Variants in MPZL1 observed in about 807,000 individuals in gnomAD.
MPZL1 encodes myelin protein zero-like protein 1.
In MPZL1, 16 loss-of-function variants were observed where a neutral mutation model predicts 29.3. The observed-to-expected ratio is 0.55, with a 90% CI of 0.37 to 0.83. MPZL1 has a LOEUF of 0.83. Ranked by LOEUF, MPZL1 falls within the 40% of genes least tolerant of loss-of-function variation. The pLI is 0.00. For synonymous variants in MPZL1, 143 were observed against 132.0 expected (o/e 1.08, Z -0.57); for missense variants, 279 against 332.9 (o/e 0.84, Z 1.26).
intron 2 of MPZL1, among the ~76,000 whole-genome samples, chr1:167,771,138 C>T (rs373873846): frequency 4.6e-5 from 7 of 151,928 alleles, no homozygotes; most frequent in African/African-American, 9.7e-5. Context: ...GAGGTCCCTG[C>T]GGCCTTCCGC....
intron 4 of MPZL1, 144 bp from the exon 5 acceptor site, chr1:167,775,920 A>G (rs4657711): frequency 0.72 from 335,106 of 463,954 alleles, 122,406 homozygotes; most frequent in African/African-American, 0.86. Flanking sequence ...ACATGTGATC[A>G]TTTTGACACC....
intron 1 of MPZL1, among the ~76,000 whole-genome samples, chr1:167,761,024 A>G (rs1213428033): frequency 1.3e-5 from 2 of 152,186 alleles, no homozygotes; most frequent in Admixed American, 6.5e-5. Context: ...AAGGTTTTAG[A>G]TAGGGCAATA....
At position 167,765,759 on chromosome 1, in the gene MPZL1, C is replaced by T; in HGVS notation, c.258+10C>T. On this transcript the variant is annotated intron_variant, in intron 2 of 5. Transcript: ENST00000359523. ...CGACACTACTGTGTCGGTAAGAATG[C>T]TTGACTTCTCTTGGCTAGTCCTGCC... 1 of 1,585,040 alleles carries T rather than the reference C, an allele frequency of 6.3e-7. No individual in the cohort carries two copies. The highest frequency in any genetic ancestry group is 1.4e-5 in the African/African-American group (1 of 73,636).
intron 2 of MPZL1, among the ~76,000 whole-genome samples, chr1:167,768,581 T>C (rs551740031): frequency 5.3e-5 from 8 of 152,352 alleles, no homozygotes; most frequent in East Asian, 1.9e-4. Context: ...AAAATATTGA[T>C]TGATAATGAT....
At chr1:167,738,216 G>T (rs570856650) in intron 1 of MPZL1, among the ~76,000 whole-genome samples, 1 of 152,116 alleles carries the variant, frequency 6.6e-6, no homozygotes, top group African/African-American at 2.4e-5. Flanking sequence ...GAGCCACCGC[G>T]CCTGGCCAAG....
chr1:167,750,983 A>G (rs1660743086), intron 1 of MPZL1, among the ~76,000 whole-genome samples: 1 of 152,206 alleles, frequency 6.6e-6, no homozygotes, highest in African/African-American at 2.4e-5. Flanking sequence ...TAGGCTATCC[A>G]TATTTGGCAG....
intron 2 of MPZL1, among the ~76,000 whole-genome samples, chr1:167,772,021 C>T (rs6684150): frequency 6.6e-6 from 1 of 151,558 alleles, no homozygotes; most frequent in Non-Finnish European, 1.5e-5. Context: ...CAGTCGGCAG[C>T]CCGAGGCAGG....
At chr1:167,769,221 A>G (rs1661189367) in intron 2 of MPZL1, among the ~76,000 whole-genome samples, 1 of 152,120 alleles carries the variant, frequency 6.6e-6, no homozygotes. Context: ...ACGTTTTTGC[A>G]CACCTTGCTA....
chr1:167,776,225 A>G, intron 5 of MPZL1, 59 bp downstream of exon 5: 1 of 1,271,178 alleles, frequency 7.9e-7, no homozygotes, highest in Non-Finnish European at 1.1e-6. Context: ...GTGCTCTGTC[A>G]CTTCCTTGGG....
At chr1:167,758,093 G>A (rs572283694) in intron 1 of MPZL1, among the ~76,000 whole-genome samples, 151 of 151,888 alleles carry the variant, frequency 9.9e-4, no homozygotes, top group African/African-American at 3.6e-3. Context: ...GGTGGAGGTT[G>A]CAGTGAGTTG....
chr1:167,755,838 A>G (rs531753908), intron 1 of MPZL1, among the ~76,000 whole-genome samples: 1 of 152,286 alleles, frequency 6.6e-6, no homozygotes, highest in South Asian at 2.1e-4. Flanking sequence ...GTACATTTAG[A>G]GGCTGAGTCT....
intron 1 of MPZL1, among the ~76,000 whole-genome samples, chr1:167,733,779 C>T (rs1660317258): frequency 6.6e-6 from 1 of 151,540 alleles, no homozygotes; most frequent in South Asian, 2.1e-4. Context: ...GTGGCGTGAG[C>T]CTGTAGTCCT....
intron 5 of MPZL1, among the ~76,000 whole-genome samples, chr1:167,778,050 C>T (rs1270382184): frequency 2.0e-5 from 3 of 152,178 alleles, no homozygotes; most frequent in South Asian, 4.1e-4. Flanking sequence ...TGGCCTGGTG[C>T]GGTGGCTCAC....
intron 1 of MPZL1, among the ~76,000 whole-genome samples, chr1:167,724,582 A>G (rs1660103908): frequency 6.6e-6 from 1 of 152,230 alleles, no homozygotes; most frequent in Admixed American, 6.5e-5. Context: ...GGAGGTGGAT[A>G]AAATGATCAT....
chr1:167,773,381 G>GT lies in MPZL1; in HGVS notation c.605+20dup, dbSNP rs769778837. Reference sequence around the variant, plus strand: ...GGGATTACACTGGGTAAGAAACACTGTTTTTTTAGGGCAGGGGTGGAGGGA... The same window carrying GT: ...GGGATTACACTGGGTAAGAAACACTGTTTTTTTTAGGGCAGGGGTGGAGGGA... On this transcript the variant is annotated intron_variant, in intron 4 of 5. Transcript: ENST00000359523. 9 of 1,607,886 alleles carry GT rather than the reference G, an allele frequency of 5.6e-6. No individual in the cohort carries two copies. The highest frequency in any genetic ancestry group is 1.6e-4 in the Middle Eastern group (1 of 6,066).
At chr1:167,775,100 G>A (rs1661337099) in intron 4 of MPZL1, among the ~76,000 whole-genome samples, 1 of 152,152 alleles carries the variant, frequency 6.6e-6, no homozygotes. Context: ...TTGTGTATGT[G>A]TGTGTGTGCA....
intron 1 of MPZL1, among the ~76,000 whole-genome samples, chr1:167,730,388 C>T (rs955334469): frequency 1.3e-5 from 2 of 152,044 alleles, no homozygotes; most frequent in East Asian, 1.9e-4. Flanking sequence ...AAGTGATTCT[C>T]CCACCTCAGC....
chr1:167,763,923 A>T (rs1047647788), intron 1 of MPZL1, among the ~76,000 whole-genome samples: 1 of 152,220 alleles, frequency 6.6e-6, no homozygotes, highest in Non-Finnish European at 1.5e-5. Flanking sequence ...AGTGCCCATT[A>T]TGTCCTGAGA....
At chr1:167,746,794 CTTAAA>C (rs773261592) in intron 1 of MPZL1, among the ~76,000 whole-genome samples, 7 of 152,296 alleles carry the variant, frequency 4.6e-5, no homozygotes, top group East Asian at 1.9e-4. Context: ...GCTATATATT[CTTAAA>C]TTAAAGGTGA....
Sources: gnomAD v4.1 joint callset for allele counts (sites outside exome capture counted in the v4.1 genomes callset) on GRCh38, gnomAD v4.1.1 for gene constraint, MANE v1.5 for transcripts, NCBI Gene and HGNC (gene_info 2026-07-23, HGNC 2026-07-21) for gene names.